Variants in MPPED1 observed in about 807,000 individuals in gnomAD.
MPPED1 encodes the protein metallophosphoesterase domain-containing protein 1.
MPPED1 carries 16 observed loss-of-function variants against 36.2 expected under a neutral mutation model. The ratio of observed to expected loss-of-function variants is 0.44; its 90% CI spans 0.30 to 0.67. MPPED1 has a LOEUF of 0.67. Ranked by LOEUF, MPPED1 falls within the 30% of genes least tolerant of loss-of-function variation. The pLI is 0.10. For missense variants in MPPED1, 307 were observed against 453.4 expected (o/e 0.68, Z 2.93); for synonymous variants, 199 against 191.3 (o/e 1.04, Z -0.33).
intron 2 of MPPED1, among the ~76,000 whole-genome samples, chr22:43,431,021 A>ATTTTTTTTTTTTTTTTTT (rs135076): frequency 1.2e-4 from 5 of 42,278 alleles, no homozygotes; most frequent in African/African-American, 3.3e-4. Context: ...GTTGTTGTTA[A>ATTTTTTTTTTTTTTTTTT]TTTTTTTTTT....
At chr22:43,465,857 A>G (rs889948964) in intron 3 of MPPED1, among the ~76,000 whole-genome samples, 10 of 152,322 alleles carry the variant, frequency 6.6e-5, no homozygotes, top group African/African-American at 2.4e-4. Flanking sequence ...GGCTGAGATC[A>G]GAGCACTGCA....
At chr22:43,475,467 T>G (rs116582152) in intron 4 of MPPED1, among the ~76,000 whole-genome samples, 2 of 98 alleles carry the variant, frequency 0.02, no homozygotes, top group African/African-American at 0.042. Flanking sequence ...AATGATGATA[T>G]TGGTGATGAT....
At chr22:43,418,349 C>T in intron 1 of MPPED1, 1 of 351,604 alleles carries the variant, frequency 2.8e-6, no homozygotes, top group East Asian at 7.6e-5. Flanking sequence ...CTTTGGTCTG[C>T]AGGGCAGCAG....
At chr22:43,493,461 G>C (rs766151394) in intron 4 of MPPED1, among the ~76,000 whole-genome samples, 1 of 152,190 alleles carries the variant, frequency 6.6e-6, no homozygotes, top group Non-Finnish European at 1.5e-5. Context: ...TAGAGGCACT[G>C]GCAATGGCAA....
At chr22:43,457,642 A>G (rs1272528220) in intron 3 of MPPED1, among the ~76,000 whole-genome samples, 1 of 152,072 alleles carries the variant, frequency 6.6e-6, no homozygotes, top group Non-Finnish European at 1.5e-5. Context: ...CTAGTTCACT[A>G]TTTTAATTTC....
At chr22:43,496,463 A>G (rs1359888125) in intron 4 of MPPED1, among the ~76,000 whole-genome samples, 409 of 1,800 alleles carry the variant, frequency 0.23, no homozygotes, top group Non-Finnish European at 0.24. Flanking sequence ...GGTGGTGGAG[A>G]TGGTGGTGGT....
At chr22:43,505,033 G>C (rs1932781062) in intron 6 of MPPED1, among the ~76,000 whole-genome samples, 1 of 152,042 alleles carries the variant, frequency 6.6e-6, no homozygotes, top group South Asian at 2.1e-4. Flanking sequence ...TGAAGATGAT[G>C]ATAAGGGTGT....
Position 43,507,701 on chromosome 22 carries a change from A to G in MPPED1, c.*2085A>G, listed in dbSNP as rs772515974. On this transcript the variant is annotated 3_prime_UTR_variant, in exon 7 of 7. Transcript: ENST00000443721. ...AAGAAAAGTTATGAAGGCAGCTGTT[A>G]CTTTAAGAGAAAATTCATTAAAAGT... is the stretch of plus-strand genomic sequence containing the variant. The G allele has an allele frequency of 2.6e-5, 4 of 152,160 alleles. No individual in the cohort carries two copies. Among genetic ancestry groups the G allele is most frequent in the Non-Finnish European group, 5.9e-5 (4 of 68,030 alleles). The allele number at this position is 152,160 out of a possible 1,614,324, so 9.4% of individuals were successfully genotyped here.
intron 3 of MPPED1, among the ~76,000 whole-genome samples, chr22:43,469,655 A>C (rs938577495): frequency 1.3e-5 from 2 of 152,196 alleles, no homozygotes; most frequent in African/African-American, 4.8e-5. Flanking sequence ...TAATTGGAGA[A>C]GATTCAGAGA....
intron 3 of MPPED1, among the ~76,000 whole-genome samples, chr22:43,466,613 A>G (rs911226583): frequency 6.6e-6 from 1 of 152,042 alleles, no homozygotes; most frequent in Non-Finnish European, 1.5e-5. Context: ...TCCCTGGGTT[A>G]ACCAGTTCCT....
chr22:43,461,328 C>T (rs1930950878), intron 3 of MPPED1, among the ~76,000 whole-genome samples: 1 of 152,190 alleles, frequency 6.6e-6, no homozygotes, highest in Non-Finnish European at 1.5e-5. Flanking sequence ...TGCAATAGTT[C>T]TGAGACTGCT....
intron 2 of MPPED1, among the ~76,000 whole-genome samples, chr22:43,427,203 CACTT>C (rs1268910137): frequency 6.6e-6 from 1 of 152,192 alleles, no homozygotes; most frequent in Non-Finnish European, 1.5e-5. Flanking sequence ...GCCAGGCACA[CACTT>C]AGGGAGCTCC....
chr22:43,500,227 AGG>A (rs1932651972), intron 5 of MPPED1, among the ~76,000 whole-genome samples: 1 of 15,034 alleles, frequency 6.7e-5, no homozygotes, highest in Non-Finnish European at 1.2e-4. Flanking sequence ...GTGATGGTGG[AGG>A]TGGTGATGGA....
intron 4 of MPPED1, among the ~76,000 whole-genome samples, chr22:43,494,265 C>A (rs928216957): frequency 2.6e-5 from 4 of 152,170 alleles, no homozygotes; most frequent in African/African-American, 9.7e-5. Flanking sequence ...GTCTTGCATT[C>A]GAGGGCTCAA....
intron 5 of MPPED1, among the ~76,000 whole-genome samples, chr22:43,501,227 G>A (rs1932725107): frequency 1.3e-5 from 2 of 152,172 alleles, no homozygotes; most frequent in South Asian, 4.1e-4. Flanking sequence ...GACGGTTCCC[G>A]TCAACATTCG....
chr22:43,496,188 T>A (rs1932340034), intron 4 of MPPED1, among the ~76,000 whole-genome samples: 1 of 103,350 alleles, frequency 9.7e-6, no homozygotes, highest in Non-Finnish European at 1.9e-5. Context: ...GAGGTGGTGG[T>A]GGAGGTAGTG....
At chr22:43,426,976 CCTGGGCT>C (rs1290382670) in intron 2 of MPPED1, among the ~76,000 whole-genome samples, 3 of 152,182 alleles carry the variant, frequency 2.0e-5, no homozygotes, top group Non-Finnish European at 4.4e-5. Flanking sequence ...GGGGGCCTTC[CCTGGGCT>C]GGGTTTTGTC....
At position 43,502,446 on chromosome 22, in the gene MPPED1, G is replaced by T. The variant is rs1281449842; in HGVS notation, c.749-198G>T. On this transcript the variant is annotated intron_variant, in intron 5 of 6. Transcript: ENST00000443721. This position sits in a 1 kb window ranked among gnomAD's most constrained non-coding sequence, Gnocchi z 5.5. ...CCCTATGGAGGAGGAGGGTGAGGCT[G>T]CAAGGTCCTGAATGGTTTCAGTCCC... Among the ~76,000 whole-genome samples the T allele has an allele frequency of 2.6e-5, 4 of 152,238 alleles. No homozygotes were observed. The highest frequency in any genetic ancestry group is 5.9e-5 in the Non-Finnish European group (4 of 68,030).
intron 4 of MPPED1, among the ~76,000 whole-genome samples, chr22:43,479,822 G>A (rs191328182): frequency 6.6e-6 from 1 of 152,190 alleles, no homozygotes; most frequent in Non-Finnish European, 1.5e-5. Context: ...CTTTTCTTCT[G>A]TTACCACTAA....
Sources: gnomAD v4.1 joint callset for allele counts (sites outside exome capture counted in the v4.1 genomes callset) on GRCh38, gnomAD v4.1.1 for gene constraint, Gnocchi (gnomAD v3.1) non-coding constraint, MANE v1.5 for transcripts, NCBI Gene and HGNC (gene_info 2026-07-23, HGNC 2026-07-21) for gene names.